ADAMTSL1: variants seen among roughly 807,000 people sequenced by gnomAD.
ADAMTSL1 encodes ADAMTS like 1.
ADAMTSL1 carries 126 observed loss-of-function variants against 201.8 expected under a neutral mutation model. That is an observed-to-expected ratio of 0.62 (90% CI 0.54 to 0.72). ADAMTSL1 has a LOEUF of 0.72. Among genes scored for constraint, ADAMTSL1 ranks in the 30% least tolerant of loss-of-function variants. The pLI is 0.00. For missense variants in ADAMTSL1, 2,679 were observed against 2,277.8 expected (o/e 1.18, Z -3.59); for synonymous variants, 1,121 against 903.4 (o/e 1.24, Z -4.32).
chr9:18,735,734 C>T (rs546174401), intron 15 of ADAMTSL1, among the ~76,000 whole-genome samples: 10 of 108,366 alleles, frequency 9.2e-5, no homozygotes, highest in East Asian at 4.9e-4. Context: ...AGAAGTCAGA[C>T]GGCATTCTTT....
intron 23 of ADAMTSL1, among the ~76,000 whole-genome samples, chr9:18,876,509 G>A (rs1828170650): frequency 6.6e-6 from 1 of 152,118 alleles, no homozygotes; most frequent in African/African-American, 2.4e-5. Flanking sequence ...CTTCATGTAT[G>A]ATGCTTAGTT....
At chr9:18,032,633 G>C (rs1326294730) in intron 1 of ADAMTSL1, among the ~76,000 whole-genome samples, 1 of 152,194 alleles carries the variant, frequency 6.6e-6, no homozygotes, top group African/African-American at 2.4e-5. Flanking sequence ...TCTTGGAAGA[G>C]GGATAGTTGT....
intron 5 of ADAMTSL1, among the ~76,000 whole-genome samples, chr9:18,626,839 T>TTTTCTTTCTTTCTTTCTTTCTTTC (rs752168419): frequency 4.5e-5 from 6 of 133,260 alleles, no homozygotes; most frequent in South Asian, 2.5e-4. Context: ...CTTACTTTCT[T>TTTTCTTTCTTTCTTTCTTTCTTTC]TTTCTTTCTT....
chr9:18,010,110 A>G (rs1186376080), intron 1 of ADAMTSL1, among the ~76,000 whole-genome samples: 2 of 152,000 alleles, frequency 1.3e-5, no homozygotes, highest in Admixed American at 6.6e-5. Flanking sequence ...AATACCAATC[A>G]CTGTACAGTG....
intron 2 of ADAMTSL1, among the ~76,000 whole-genome samples, chr9:18,244,306 C>T (rs1489712271): frequency 1.3e-5 from 2 of 152,222 alleles, no homozygotes; most frequent in Admixed American, 6.5e-5. Context: ...TGACCTCTCC[C>T]TCATTTCTCT....
chr9:18,310,092 G>T (rs59737180), intron 2 of ADAMTSL1, among the ~76,000 whole-genome samples: 10,438 of 151,848 alleles, frequency 0.069, 1,162 homozygotes, highest in African/African-American at 0.24. Context: ...GGGGAAAGGA[G>T]TCCCTATTTA....
At chr9:18,516,358 C>T (rs1818367935) in intron 2 of ADAMTSL1, among the ~76,000 whole-genome samples, 1 of 152,148 alleles carries the variant, frequency 6.6e-6, no homozygotes, top group South Asian at 2.1e-4. Context: ...GGAAGAATAA[C>T]TTATAAAACA....
intron 4 of ADAMTSL1, among the ~76,000 whole-genome samples, chr9:18,616,721 G>C (rs992588878): frequency 6.6e-6 from 1 of 152,116 alleles, no homozygotes; most frequent in African/African-American, 2.4e-5. Context: ...TGTGCATTAT[G>C]TTTAGTTCTC....
chr9:18,825,496 A>G (rs1824489553), intron 21 of ADAMTSL1, among the ~76,000 whole-genome samples: 1 of 152,246 alleles, frequency 6.6e-6, no homozygotes, highest in African/African-American at 2.4e-5. Context: ...AGTTTTCTAC[A>G]TAAGAGTGTC....
intron 2 of ADAMTSL1, among the ~76,000 whole-genome samples, chr9:18,440,072 C>T (rs1819929767): frequency 6.6e-6 from 1 of 152,166 alleles, no homozygotes; most frequent in Admixed American, 6.5e-5. Context: ...CCACTGCAGA[C>T]CCTGCTTAAA....
chr9:18,306,751 C>A (rs1048570811), intron 2 of ADAMTSL1, among the ~76,000 whole-genome samples: 1 of 152,130 alleles, frequency 6.6e-6, no homozygotes, highest in South Asian at 2.1e-4. Context: ...GAGAATGGAA[C>A]CAAGTTGGAA....
chr9:18,843,958 A>G (rs1479776120), intron 23 of ADAMTSL1, among the ~76,000 whole-genome samples: 1 of 152,128 alleles, frequency 6.6e-6, no homozygotes, highest in African/African-American at 2.4e-5. Context: ...CAAAGTTTTC[A>G]ACTTCTTTGC....
chr9:18,464,947 G>C (rs1345617827), intron 2 of ADAMTSL1, among the ~76,000 whole-genome samples: 1 of 152,222 alleles, frequency 6.6e-6, no homozygotes, highest in Non-Finnish European at 1.5e-5. Context: ...GCATCTCAGA[G>C]AGTGATAGAG....
At chr9:18,665,136 T>G (rs1014124816) in intron 9 of ADAMTSL1, among the ~76,000 whole-genome samples, 1 of 152,040 alleles carries the variant, frequency 6.6e-6, no homozygotes, top group African/African-American at 2.4e-5. Flanking sequence ...AAAACAGTTT[T>G]CATTACAAAA....
In ADAMTSL1 at chr9:18,706,831, G is replaced by T. The variant is rs760505722; in HGVS notation, c.1659G>T (p.Leu553=). The T allele has an allele frequency of 5.0e-6, 8 of 1,612,012 alleles. No homozygotes were observed. Among genetic ancestry groups the T allele is most frequent in the Non-Finnish European group, 5.9e-6 (7 of 1,178,986 alleles). The part of the protein sequence containing the change: ...QVRIVRCQVL[L]SFSQSVADLP... ...GAATAGTCAGGTGCCAGGTGCTCCTGTCTTTCTCTCAGTCCGTGGCTGACC... is the reference window on the plus strand; with the variant it reads ...GAATAGTCAGGTGCCAGGTGCTCCTTTCTTTCTCTCAGTCCGTGGCTGACC... Residue 553 remains leucine, a synonymous_variant, in exon 14 of 29, where the codon CTG becomes CTT. Coordinates refer to ENST00000380548, the MANE Select transcript of ADAMTSL1 (RefSeq NM_001040272.6).
chr9:18,301,065 A>T (rs898419627), intron 2 of ADAMTSL1, among the ~76,000 whole-genome samples: 1 of 152,224 alleles, frequency 6.6e-6, no homozygotes, highest in South Asian at 2.1e-4. Flanking sequence ...TACTATTTAT[A>T]TAGCCATAAT....
intron 4 of ADAMTSL1, among the ~76,000 whole-genome samples, chr9:18,587,880 G>A (rs1371496429): frequency 6.6e-6 from 1 of 152,014 alleles, no homozygotes; most frequent in Non-Finnish European, 1.5e-5. Flanking sequence ...ATTAATTGAT[G>A]AACACTTAGG....
chr9:18,654,474 G>T (rs1828497060), intron 7 of ADAMTSL1, among the ~76,000 whole-genome samples: 1 of 152,158 alleles, frequency 6.6e-6, no homozygotes, highest in African/African-American at 2.4e-5. Context: ...GCCATTGTTT[G>T]GATACCTACT....
intron 1 of ADAMTSL1, among the ~76,000 whole-genome samples, chr9:17,994,748 A>G (rs1819304161): frequency 6.6e-6 from 1 of 152,178 alleles, no homozygotes. Flanking sequence ...CTGATTTTCC[A>G]TGTTCCTCTG....
Sources: allele counts gnomAD v4.1 joint callset (sites outside exome capture counted in the v4.1 genomes callset), GRCh38; gene constraint gnomAD v4.1.1; transcripts MANE v1.5; gene names NCBI Gene and HGNC (gene_info 2026-07-23, HGNC 2026-07-21).